The following ARHGAP35 variants were observed in gnomAD, a reference collection of about 807,000 sequenced individuals.
ARHGAP35 encodes rho GTPase-activating protein 35.
A neutral mutation model predicts 111.1 loss-of-function variants in ARHGAP35; 15 were observed. The observed-to-expected ratio is 0.13, with a 90% CI of 0.09 to 0.21. The LOEUF is 0.21. Among genes scored for constraint, ARHGAP35 ranks in the 10% least tolerant of loss-of-function variants. ARHGAP35 has a pLI of 1.00. For missense variants in ARHGAP35, 1,262 were observed against 1,873.0 expected, an observed-to-expected ratio of 0.67 and a Z score of 6.02; for synonymous variants, 643 against 710.3, an observed-to-expected ratio of 0.91 and a Z score of 1.51.
chr19:46,996,352 C>G (rs1021210500), intron 5 of ARHGAP35, among the ~76,000 whole-genome samples: 1 of 152,186 alleles, frequency 6.6e-6, no homozygotes, highest in African/African-American at 2.4e-5. Context: ...ATCCACCCAC[C>G]TCAGCCTCCC....
chr19:46,921,258 C>A lies in ARHGAP35; in HGVS notation c.2583C>A (p.Ala861=). Residue 861 remains alanine (A), a synonymous_variant, in exon 2 of 7, where the codon GCC becomes GCA. Coordinates refer to ENST00000672722, the MANE Select transcript of ARHGAP35 (RefSeq NM_004491.5). This position sits in a 1 kb window ranked among gnomAD's most constrained non-coding sequence, Gnocchi z 4.3. The part of the protein sequence containing the change: ...LVHGYIVFYS[A]KRKASLAMLR... The stretch of plus-strand genomic sequence containing the variant: ...ATGGGTACATTGTTTTTTATTCAGC[C>A]AAACGTAAGGCCTCTTTGGCTATGT... 1 of 1,613,964 alleles carries A rather than the reference C, an allele frequency of 6.2e-7. No individual in the cohort carries two copies. The highest frequency in any genetic ancestry group is 2.2e-5 in the East Asian group (1 of 44,894).
intron 3 of ARHGAP35, among the ~76,000 whole-genome samples, chr19:46,969,818 T>C (rs2056534843): frequency 6.6e-6 from 1 of 152,162 alleles, no homozygotes. Flanking sequence ...GAGGACTTTG[T>C]TTTTCCATCT....
intron 3 of ARHGAP35, among the ~76,000 whole-genome samples, chr19:46,952,866 T>C (rs981681848): frequency 1.3e-5 from 2 of 152,032 alleles, no homozygotes; most frequent in Admixed American, 1.3e-4. Context: ...TTTGTAGAGA[T>C]GGGGATTCGC....
At chr19:46,883,157 C>T (rs1273976383) in intron 1 of ARHGAP35, among the ~76,000 whole-genome samples, 2 of 151,906 alleles carry the variant, frequency 1.3e-5, no homozygotes, top group African/African-American at 2.4e-5. Flanking sequence ...TGTAGTGGCA[C>T]GATCTCGGCT....
At chr19:46,933,994 A>C (rs762611974) in intron 2 of ARHGAP35, among the ~76,000 whole-genome samples, 4 of 152,172 alleles carry the variant, frequency 2.6e-5, no homozygotes, top group Non-Finnish European at 5.9e-5. Flanking sequence ...CCATGGTTAG[A>C]AGGAGGCTTT....
chr19:46,893,301 A>G (rs991634108), intron 1 of ARHGAP35, among the ~76,000 whole-genome samples: 1 of 152,106 alleles, frequency 6.6e-6, no homozygotes, highest in Non-Finnish European at 1.5e-5. Flanking sequence ...GACTGGAGTT[A>G]ACACCTTCAA....
intron 3 of ARHGAP35, among the ~76,000 whole-genome samples, chr19:46,968,382 G>C (rs746891124): frequency 1.3e-5 from 2 of 152,308 alleles, no homozygotes; most frequent in African/African-American, 4.8e-5. Flanking sequence ...AGCAGAGCAG[G>C]AGGGAAGAAA....
rs369326169 is a variant in ARHGAP35, at chr19:46,876,978, A to G, written c.-189+15769A>G. 5.9e-5 allele frequency among the ~76,000 whole-genome samples: 9 copies of G among 151,470 alleles called. No individual in the cohort carries two copies. In the East Asian group the frequency reaches 1.2e-3, roughly 20 times the overall value. ...TAAAAGTTAAGTTTTGGCCGGGCGC[A>G]GTGGCTCATGCCTGTAATCCCAGCA... On this transcript the variant is annotated intron_variant, in intron 1 of 6. Coordinates refer to ENST00000672722, the MANE Select transcript of ARHGAP35 (RefSeq NM_004491.5).
At position 46,986,826 on chromosome 19, in the gene ARHGAP35, T is replaced by TTTAG. The variant is rs2056652910; in HGVS notation, c.3827-1160_3827-1159insGTTA. Among the ~76,000 whole-genome samples, 2 of 152,202 alleles carry TTTAG rather than the reference T, an allele frequency of 1.3e-5. No individual in the cohort carries two copies. The highest frequency in any genetic ancestry group is 4.8e-5 in the African/African-American group (2 of 41,444). ...AAAACATACTTGTGAGTTAATTTTA[T>TTTAG]TTATTTATTTATTTATTTTCAGACA... On this transcript the variant is annotated intron_variant, in intron 3 of 6. Coordinates refer to ENST00000672722, the MANE Select transcript of ARHGAP35 (RefSeq NM_004491.5). The surrounding 1 kb of genome is among the most constrained non-coding windows in gnomAD (Gnocchi z 4.3).
At chr19:46,966,538 G>A (rs2056516219) in intron 3 of ARHGAP35, among the ~76,000 whole-genome samples, 7 of 152,168 alleles carry the variant, frequency 4.6e-5, no homozygotes, top group Admixed American at 4.6e-4. Flanking sequence ...AACAAAGCAA[G>A]ACCCTGTCCC....
At chr19:46,884,310 A>T (rs1229474289) in intron 1 of ARHGAP35, among the ~76,000 whole-genome samples, 1 of 151,938 alleles carries the variant, frequency 6.6e-6, no homozygotes, top group Admixed American at 6.6e-5. Flanking sequence ...AACAACAACA[A>T]AAAGGATCTA....
intron 1 of ARHGAP35, among the ~76,000 whole-genome samples, chr19:46,909,360 A>G (rs1199932117): frequency 6.6e-6 from 1 of 152,204 alleles, no homozygotes; most frequent in Non-Finnish European, 1.5e-5. Flanking sequence ...CATGCGAGTT[A>G]CTAGCCCTTG....
In ARHGAP35 at chr19:46,926,157, T is replaced by C. The variant is rs2056236593; in HGVS notation, c.3681+3801T>C. Among the ~76,000 whole-genome samples the C allele has an allele frequency of 6.6e-6, 1 of 152,216 alleles. No homozygotes were observed. Among genetic ancestry groups the C allele is most frequent in the Non-Finnish European group, 1.5e-5 (1 of 68,030 alleles). On this transcript the variant is annotated intron_variant, in intron 2 of 6. Coordinates refer to ENST00000672722, the MANE Select transcript of ARHGAP35 (RefSeq NM_004491.5). This position sits in a 1 kb window ranked among gnomAD's most constrained non-coding sequence, Gnocchi z 4.1. ...ACAGAAAAAAATCACTCAGTGCCCT[T>C]GGCTGATTTGCTAGATTAGGTCTTT...
At chr19:46,969,080 G>A (rs2056530462) in intron 3 of ARHGAP35, among the ~76,000 whole-genome samples, 1 of 151,896 alleles carries the variant, frequency 6.6e-6, no homozygotes, top group Non-Finnish European at 1.5e-5. Flanking sequence ...GAGCAGGACT[G>A]TCTCAAAAAA....
chr19:46,978,818 G>A lies in ARHGAP35; in HGVS notation c.3827-9171G>A, dbSNP rs2056600133. Among the ~76,000 whole-genome samples the A allele has an allele frequency of 1.5e-5, 2 of 134,024 alleles. 1 individual carries two copies. The highest frequency in any genetic ancestry group is 4.9e-4 in the South Asian group (2 of 4,074). 87.9% of individuals were successfully genotyped at this position (134,024 alleles called of 152,430 possible). A position where few individuals can be genotyped will look rare whatever the true frequency, so the allele number is the denominator to read the frequency against. On this transcript the variant is annotated intron_variant, in intron 3 of 6. Coordinates refer to ENST00000672722, the MANE Select transcript of ARHGAP35 (RefSeq NM_004491.5). ...GTGGTGGGATGTGTGTGTGTGGTAG[G>A]GGGTTTGTGTGGTGGGGGATTTGTG...
chr19:46,883,297 G>A (rs946265293), intron 1 of ARHGAP35, among the ~76,000 whole-genome samples: 1 of 150,296 alleles, frequency 6.7e-6, no homozygotes. Context: ...ACAGGGTTTC[G>A]CCATGTTGGC....
At position 46,986,737 on chromosome 19, in the gene ARHGAP35, C is replaced by T. The variant is rs1599867039; in HGVS notation, c.3827-1252C>T. On this transcript the variant is annotated intron_variant, in intron 3 of 6. Coordinates refer to ENST00000672722, the MANE Select transcript of ARHGAP35 (RefSeq NM_004491.5). This position sits in a 1 kb window ranked among gnomAD's most constrained non-coding sequence, Gnocchi z 4.3. ...AGGAAAATTAACAAGAACATGAATA[C>T]GATATTCACAAAGTAAGAAATACCT... 1.3e-5 allele frequency among the ~76,000 whole-genome samples: 2 copies of T among 152,250 alleles called. No individual in the cohort carries two copies. The highest frequency in any genetic ancestry group is 1.5e-5 in the Non-Finnish European group (1 of 68,012).
At chr19:46,954,283 A>C (rs1007569000) in intron 3 of ARHGAP35, among the ~76,000 whole-genome samples, 2 of 152,206 alleles carry the variant, frequency 1.3e-5, no homozygotes, top group Admixed American at 1.3e-4. Context: ...CAACTCAGGC[A>C]TCAGAACACC....
rs116956959 is a variant in ARHGAP35, at chr19:46,894,812, C to T, written c.-188-23676C>T. Among the ~76,000 whole-genome samples the T allele has an allele frequency of 9.2e-5, 14 of 152,108 alleles. No individual in the cohort carries two copies. The East Asian group carries it at 1.4e-3, about 15-fold the overall frequency. On this transcript the variant is annotated intron_variant, in intron 1 of 6. Transcript: ENST00000672722. ...TCTCCTATGTCATGTCTTACTCTGC[C>T]GTTTTGTAATGGTCCTTGAGATTGA...
Sources: gnomAD v4.1 joint callset for allele counts (sites outside exome capture counted in the v4.1 genomes callset) on GRCh38, gnomAD v4.1.1 for gene constraint, Gnocchi (gnomAD v3.1) non-coding constraint, MANE v1.5 for transcripts, NCBI Gene and HGNC (gene_info 2026-07-23, HGNC 2026-07-21) for gene names.